Variants in LANCL1 observed in about 807,000 individuals in gnomAD.
The protein encoded by LANCL1 is glutathione S-transferase LANCL1.
In LANCL1, 50 loss-of-function variants were observed where a neutral mutation model predicts 50.6. That is an observed-to-expected ratio of 0.99 (90% CI 0.79 to 1.25). The LOEUF is 1.25. Among genes scored for constraint, LANCL1 ranks in the 50% most tolerant of loss-of-function variants. The pLI, the probability that LANCL1 is intolerant of heterozygous loss-of-function variation, is 0.00. For missense variants in LANCL1, 532 were observed against 480.7 expected, an observed-to-expected ratio of 1.11 and a Z score of -1.00; for synonymous variants, 188 against 178.6, an observed-to-expected ratio of 1.05 and a Z score of -0.42.
chr2:210,456,051 A>T (rs1229917135), intron 3 of LANCL1, among the ~76,000 whole-genome samples: 10 of 152,072 alleles, frequency 6.6e-5, no homozygotes, highest in Admixed American at 6.6e-4. Context: ...TGAAATATGT[A>T]ATAGAGGCAT....
chr2:210,463,165 AT>A (rs1693921656), intron 3 of LANCL1, among the ~76,000 whole-genome samples: 5 of 151,934 alleles, frequency 3.3e-5, no homozygotes, highest in African/African-American at 1.2e-4. Context: ...CATTTTTCTT[AT>A]CGGTGAAATG....
At chr2:210,459,598 T>G (rs1337932784) in intron 3 of LANCL1, among the ~76,000 whole-genome samples, 6 of 152,132 alleles carry the variant, frequency 3.9e-5, no homozygotes, top group African/African-American at 1.4e-4. Flanking sequence ...ACATTTCCAT[T>G]ACTGCAGAAC....
intron 3 of LANCL1, among the ~76,000 whole-genome samples, chr2:210,462,833 T>G (rs1325963496): frequency 6.6e-6 from 1 of 152,224 alleles, no homozygotes; most frequent in Admixed American, 6.5e-5. Context: ...CCTTTCATAC[T>G]TTATCAGGGC....
intron 3 of LANCL1, among the ~76,000 whole-genome samples, chr2:210,465,162 T>C (rs899998328): frequency 2.6e-5 from 4 of 152,236 alleles, no homozygotes; most frequent in African/African-American, 9.6e-5. Context: ...CCACTTAAAA[T>C]AACATGTGAT....
intron 7 of LANCL1, among the ~76,000 whole-genome samples, chr2:210,436,901 C>T (rs1380544644): frequency 6.6e-6 from 1 of 152,162 alleles, no homozygotes; most frequent in East Asian, 1.9e-4. Context: ...TTTTTAATAT[C>T]TCATTGCAAC....
At chr2:210,447,091 C>A (rs1457608551) in intron 4 of LANCL1, among the ~76,000 whole-genome samples, 2 of 152,170 alleles carry the variant, frequency 1.3e-5, no homozygotes, top group Non-Finnish European at 1.5e-5. Flanking sequence ...GTGTTAAGGG[C>A]AGCCAGTGAG....
intron 3 of LANCL1, among the ~76,000 whole-genome samples, chr2:210,464,507 C>T (rs78969535): frequency 0.014 from 2,114 of 151,624 alleles, 42 homozygotes; most frequent in African/African-American, 0.048. Context: ...GGGCTTCTGT[C>T]GACAATTTGA....
chr2:210,463,484 C>T (rs1381803380), intron 3 of LANCL1, among the ~76,000 whole-genome samples: 3 of 152,168 alleles, frequency 2.0e-5, no homozygotes, highest in Non-Finnish European at 4.4e-5. Context: ...CCTGTCTTGT[C>T]ATTCAGATGT....
chr2:210,477,477 C>T (rs570632400), upstream of LANCL1: 78 of 1,251,722 alleles, frequency 6.2e-5, no homozygotes, highest in Admixed American at 3.4e-4. Context: ...CATTCTATTG[C>T]TCAGAGAATT....
intron 2 of LANCL1, among the ~76,000 whole-genome samples, chr2:210,473,330 G>A (rs1368326396): frequency 1.3e-5 from 2 of 152,096 alleles, no homozygotes; most frequent in Non-Finnish European, 2.9e-5. Context: ...AGCCGAGATC[G>A]TGCCACTGCA....
In LANCL1 at chr2:210,437,860, C is replaced by G; in HGVS notation, c.703G>C (p.Val235Leu). Residue 235 changes from valine to leucine, a missense_variant, in exon 7 of 10, where the codon GTG becomes CTG. By Grantham distance (32) the Val-to-Leu change is conservative. Coordinates refer to ENST00000450366, the MANE Select transcript of LANCL1 (RefSeq NM_006055.3). ...AAACTATGTAACTTCCCTTGGCTCACTTGAAGGCTGGGCTAAAAATGAGAA... is the reference window on the plus strand; with the variant it reads ...AAACTATGTAACTTCCCTTGGCTCAGTTGAAGGCTGGGCTAAAAATGAGAA... ...YYYLMQPSLQ[V>L]SQGKLHSLVK... 6.3e-7 allele frequency: 1 copy of G among 1,589,286 alleles called. No individual in the cohort carries two copies. Among genetic ancestry groups the G allele is most frequent in the Non-Finnish European group, 8.5e-7 (1 of 1,169,788 alleles).
intron 3 of LANCL1, chr2:210,471,384 C>G (rs1014317772): frequency 5.7e-6 from 2 of 351,746 alleles, no homozygotes; most frequent in Non-Finnish European, 5.6e-6. Context: ...TTTTTGACAT[C>G]AATGCACTGT....
intron 3 of LANCL1, among the ~76,000 whole-genome samples, chr2:210,467,683 G>T (rs1197537747): frequency 6.6e-6 from 1 of 152,206 alleles, no homozygotes; most frequent in East Asian, 1.9e-4. Context: ...ATAAACTTTT[G>T]AGAGTGTCAA....
At chr2:210,449,639 A>T (rs1037434737) in intron 4 of LANCL1, among the ~76,000 whole-genome samples, 1 of 151,264 alleles carries the variant, frequency 6.6e-6, no homozygotes, top group African/African-American at 2.4e-5. Context: ...TAAGCTGCTG[A>T]TAAGCAAAGT....
At chr2:210,461,119 C>A (rs896914396) in intron 3 of LANCL1, among the ~76,000 whole-genome samples, 1 of 151,898 alleles carries the variant, frequency 6.6e-6, no homozygotes, top group African/African-American at 2.4e-5. Flanking sequence ...TTAGATATGT[C>A]TTCTTTCCTT....
rs892861788 is a variant in LANCL1 at position 210,432,172 on chromosome 2, T to C, written c.*2315A>G. On this transcript the variant is annotated 3_prime_UTR_variant, in exon 10 of 10. Coordinates refer to ENST00000450366, the MANE Select transcript of LANCL1 (RefSeq NM_006055.3). ...TAGTTACTACCATGTTGTTAGGGGA[T>C]TGTCTCAGCGTTGTAGGCTTTGCCT... The C allele has an allele frequency of 6.6e-6, 1 of 152,236 alleles. No individual in the cohort carries two copies. Among genetic ancestry groups the C allele is most frequent in the African/African-American group, 2.4e-5 (1 of 41,468 alleles). 9.4% of individuals were successfully genotyped at this position (152,236 alleles called of 1,614,324 possible).
chr2:210,474,038 G>C (rs924475487), intron 2 of LANCL1, among the ~76,000 whole-genome samples: 5 of 152,194 alleles, frequency 3.3e-5, no homozygotes, highest in Non-Finnish European at 7.3e-5. Flanking sequence ...GAATCTCTCA[G>C]CCTTATGAAG....
At chr2:210,456,232 C>G (rs1010905869) in intron 3 of LANCL1, among the ~76,000 whole-genome samples, 2 of 152,094 alleles carry the variant, frequency 1.3e-5, no homozygotes, top group African/African-American at 4.8e-5. Flanking sequence ...ATCTCATTTG[C>G]GATTTTTAGA....
chr2:210,435,320 C>CGTAT, intron 9 of LANCL1, 67 bp downstream of exon 9: 2 of 1,273,044 alleles, frequency 1.6e-6, no homozygotes, highest in Non-Finnish European at 2.3e-6. Flanking sequence ...AACTTAAATA[C>CGTAT]ATTAATTACC....
Sources: gnomAD v4.1 joint callset for allele counts (sites outside exome capture counted in the v4.1 genomes callset) on GRCh38, gnomAD v4.1.1 for gene constraint, MANE v1.5 for transcripts, NCBI Gene and HGNC (gene_info 2026-07-23, HGNC 2026-07-21) for gene names.